TRIM66: variants seen among roughly 807,000 people sequenced by gnomAD.
TRIM66 encodes the protein tripartite motif-containing protein 66.
A neutral mutation model predicts 148.2 loss-of-function variants in TRIM66; 99 were observed. The observed-to-expected ratio is 0.67, with a 90% CI of 0.57 to 0.79. TRIM66 has a LOEUF of 0.79. Ranked by LOEUF, TRIM66 falls within the 30% of genes least tolerant of loss-of-function variation. TRIM66 has a pLI of 0.00. For synonymous variants in TRIM66, 616 were observed against 635.9 expected (o/e 0.97, Z 0.47); for missense variants, 1,666 against 1,697.9 (o/e 0.98, Z 0.33).
At chr11:8,682,189 A>AG (rs1297611679) in intron 1 of TRIM66, among the ~76,000 whole-genome samples, 1 of 152,242 alleles carries the variant, frequency 6.6e-6, no homozygotes, top group East Asian at 1.9e-4. Context: ...TGATAGCAAA[A>AG]GGGCAAAAGA....
Position 8,616,625 on chromosome 11 carries a change from C to T in TRIM66, c.*1319G>A, listed in dbSNP as rs1177040333. ...GGATGCAGCCTCGAGCTCCTGTTCCCATGGCTTCCAGAATGCTTCTCTCTG... is the reference window on the plus strand; with the variant it reads ...GGATGCAGCCTCGAGCTCCTGTTCCTATGGCTTCCAGAATGCTTCTCTCTG... On this transcript the variant is annotated 3_prime_UTR_variant, in exon 25 of 25. Coordinates refer to ENST00000646038, the MANE Select transcript of TRIM66 (RefSeq NM_001388022.1). The T allele has an allele frequency of 6.6e-6, 1 of 152,228 alleles. No homozygotes were observed. The highest frequency in any genetic ancestry group is 2.4e-5 in the African/African-American group (1 of 41,446). 9.4% of individuals were successfully genotyped at this position (152,228 alleles called of 1,614,324 possible).
intron 15 of TRIM66, among the ~76,000 whole-genome samples, chr11:8,638,381 T>C (rs1167971658): frequency 1.3e-5 from 2 of 152,114 alleles, no homozygotes; most frequent in Non-Finnish European, 2.9e-5. Flanking sequence ...ACAGAGTACA[T>C]GTTCAATAAA....
chr11:8,615,064 G>C lies in TRIM66; in HGVS notation c.*2880C>G, dbSNP rs376421387. On this transcript the variant is annotated 3_prime_UTR_variant, in exon 25 of 25. Coordinates refer to ENST00000646038, the MANE Select transcript of TRIM66 (RefSeq NM_001388022.1). ...CTGCCTCAGCCTCCCAAGTAGCTGG[G>C]ATTACAGGCATGTGCCATCACACCT... is the stretch of plus-strand genomic sequence containing the variant. 1 of 152,282 alleles carries C rather than the reference G, an allele frequency of 6.6e-6. No homozygotes were observed. The highest frequency in any genetic ancestry group is 2.4e-5 in the African/African-American group (1 of 41,434). 9.4% of individuals were successfully genotyped at this position (152,282 alleles called of 1,614,324 possible).
chr11:8,631,522 T>C (rs558733767), intron 15 of TRIM66, among the ~76,000 whole-genome samples: 7 of 152,364 alleles, frequency 4.6e-5, no homozygotes, highest in African/African-American at 1.7e-4. Flanking sequence ...TTCTTAGTGA[T>C]ATCAAGGAAT....
chr11:8,640,565 G>T lies in TRIM66; in HGVS notation c.1810C>A (p.Pro604Thr). Residue 604 changes from proline to threonine, a missense_variant, in exon 14 of 25, where the codon CCT (proline) becomes ACT (threonine). Transcript: ENST00000646038. ...FQQQPQQQLP[P>T]PPPPLPHPPP... is the part of the protein sequence containing the mutation. Reference sequence around the variant, plus strand: ...GGATGGGGGAGGGGTGGTGGTGGAGGTGGTAGCTGCTGCTGTGGCTGCTGC... The same window carrying T: ...GGATGGGGGAGGGGTGGTGGTGGAGTTGGTAGCTGCTGCTGTGGCTGCTGC... The T allele has an allele frequency of 6.5e-7, 1 of 1,548,598 alleles. No homozygotes were observed. The highest frequency in any genetic ancestry group is 8.7e-7 in the Non-Finnish European group (1 of 1,145,650).
chr11:8,617,371 A>G lies in TRIM66; in HGVS notation c.*573T>C, dbSNP rs1485183221. 6.6e-6 allele frequency: 1 copy of G among 152,578 alleles called. No individual in the cohort carries two copies. The highest frequency in any genetic ancestry group is 2.4e-5 in the African/African-American group (1 of 41,462). 9.5% of individuals were successfully genotyped at this position (152,578 alleles called of 1,614,324 possible). A position where few individuals can be genotyped will look rare whatever the true frequency, so the allele number is the denominator to read the frequency against. On this transcript the variant is annotated 3_prime_UTR_variant, in exon 25 of 25. Coordinates refer to ENST00000646038, the MANE Select transcript of TRIM66 (RefSeq NM_001388022.1). ...CCCTGAAAACCGTTAGAACCCAAAT[A>G]GGCACAAATTGAGACCTATGGCCTC... is the stretch of plus-strand genomic sequence containing the variant.
At position 8,640,415 on chromosome 11, in the gene TRIM66, G is replaced by A; in HGVS notation, c.1960C>T (p.His654Tyr). 1 of 1,551,952 alleles carries A rather than the reference G, an allele frequency of 6.4e-7. No individual in the cohort carries two copies. Among genetic ancestry groups the A allele is most frequent in the Non-Finnish European group, 8.7e-7 (1 of 1,147,076 alleles). The change falls in exon 14 of 25, where the codon CAT (histidine) becomes TAT (tyrosine). Residue 654 changes from histidine to tyrosine, a missense_variant. His to Tyr is a moderately conservative substitution (Grantham distance 83). Around this residue, in one of 3 missense-constraint regions of TRIM66, gnomAD observed 1,431 missense variants for 1,412.4 expected, o/e 1.01. Coordinates refer to ENST00000646038, the MANE Select transcript of TRIM66 (RefSeq NM_001388022.1). ...ATTTCCTCCAGCTCAAACTTGTGAT[G>A]CATTATGTCCATGTTCTGAGAACAG... ...PACSQNMDIM[H>Y]HKFELEEMQK...
chr11:8,681,895 G>A (rs1195195485), intron 1 of TRIM66, among the ~76,000 whole-genome samples: 2 of 152,016 alleles, frequency 1.3e-5, no homozygotes, highest in African/African-American at 4.8e-5. Context: ...GTAGATTCTG[G>A]AGAAAATTCA....
In TRIM66 at chr11:8,620,487, C is replaced by G. The variant is rs2034101508; in HGVS notation, c.3631G>C (p.Gly1211Arg). The G allele has an allele frequency of 6.4e-7, 1 of 1,551,672 alleles. No individual in the cohort carries two copies. Among genetic ancestry groups the G allele is most frequent in the African/African-American group, 1.4e-5 (1 of 73,056 alleles). The change falls in exon 21 of 25, where the codon GGA becomes CGA. Residue 1211 changes from glycine to arginine, a missense_variant. Transcript: ENST00000646038. ...DCENACYNQP[G>R]MRASPGLSMY... ...CTTAGGCCAGGAGATGCCCGCATTCCAGGCTGGTTATAGCAGGCATTCTCA... is the reference window on the plus strand; with the variant it reads ...CTTAGGCCAGGAGATGCCCGCATTCGAGGCTGGTTATAGCAGGCATTCTCA...
At chr11:8,663,255 T>G (rs1592181959) in intron 6 of TRIM66, 1 of 152,212 alleles carries the variant, frequency 6.6e-6, no homozygotes, top group East Asian at 1.9e-4. Context: ...GTGGCTGTAT[T>G]AATTAAAGAT....
chr11:8,625,071 G>A lies in TRIM66; in HGVS notation c.2468C>T (p.Pro823Leu), dbSNP rs777820907. ...QAVPSLLSAP[P>L]KMVSSLTSVQ... ...ACTTGTCAGGCTGGACACCATTTTG[G>A]GGGGAGCACTCAGCAGGCTTGGTAC... is the stretch of plus-strand genomic sequence containing the variant. Residue 823 changes from proline (P) to leucine (L), a missense_variant, in exon 16 of 25, where the codon CCC becomes CTC. Coordinates refer to ENST00000646038, the MANE Select transcript of TRIM66 (RefSeq NM_001388022.1). The A allele has an allele frequency of 9.0e-6, 14 of 1,551,630 alleles. No homozygotes were observed. The highest frequency in any genetic ancestry group is 1.2e-5 in the Non-Finnish European group (14 of 1,147,012).
chr11:8,658,442 A>G (rs1285210006), intron 6 of TRIM66, among the ~76,000 whole-genome samples: 1 of 152,028 alleles, frequency 6.6e-6, no homozygotes, highest in South Asian at 2.1e-4. Context: ...TCAGCCCTCC[A>G]TGTTCCCCAA....
At position 8,640,606 on chromosome 11, in the gene TRIM66, T is replaced by C; in HGVS notation, c.1769A>G (p.Lys590Arg). The C allele has an allele frequency of 1.3e-6, 2 of 1,551,404 alleles. No homozygotes were observed. Among genetic ancestry groups the C allele is most frequent in the Non-Finnish European group, 1.7e-6 (2 of 1,146,924 alleles). Residue 590 changes from lysine to arginine, a missense_variant, in exon 14 of 25, where the codon AAG becomes AGG. This residue lies in a region of TRIM66 where 1,431 missense variants were observed against 1,412.4 expected (regional missense o/e 1.01). Transcript: ENST00000646038. ...TGGCTGCTGCTGAAAGTGACTGAGC[T>C]TCAGCTTCTGGTGGTGGCCAAACTG... Reference protein sequence around the residue: ...QVQFGHHQKLKLSHFQQQPQQ... With the variant: ...QVQFGHHQKLRLSHFQQQPQQ...
intron 11 of TRIM66, 131 bp from the exon 12 acceptor site, chr11:8,646,018 G>T: frequency 1.2e-6 from 1 of 852,588 alleles, no homozygotes; most frequent in Non-Finnish European, 1.8e-6. Flanking sequence ...GGACAGCAGG[G>T]CAGAGTGTTG....
intron 13 of TRIM66, among the ~76,000 whole-genome samples, chr11:8,641,877 T>C (rs570762733): frequency 2.0e-5 from 3 of 152,184 alleles, no homozygotes; most frequent in South Asian, 2.1e-4. Context: ...GCTCTGTCCA[T>C]GTGATGTGCG....
At chr11:8,627,329 C>T (rs1012667272) in intron 15 of TRIM66, among the ~76,000 whole-genome samples, 3 of 152,196 alleles carry the variant, frequency 2.0e-5, no homozygotes, top group Non-Finnish European at 4.4e-5. Flanking sequence ...CTTAGGTCTA[C>T]TGACAACTTA....
At chr11:8,650,417 G>A (rs1366727560) in intron 7 of TRIM66, among the ~76,000 whole-genome samples, 2 of 151,350 alleles carry the variant, frequency 1.3e-5, no homozygotes, top group Non-Finnish European at 2.9e-5. Flanking sequence ...AGAAGAAGGA[G>A]GAGGAGGAAG....
chr11:8,650,372 C>A (rs1245475034), intron 7 of TRIM66, among the ~76,000 whole-genome samples: 1 of 150,048 alleles, frequency 6.7e-6, no homozygotes, highest in African/African-American at 2.5e-5. Flanking sequence ...GACCCTGTCT[C>A]AAAAAAGGAT....
rs2033818128 is a variant in TRIM66 at position 8,617,834 on chromosome 11, A to G, written c.*110T>C. The G allele has an allele frequency of 1.0e-5, 11 of 1,079,308 alleles. No homozygotes were observed. The highest frequency in any genetic ancestry group is 4.7e-5 in the African/African-American group (3 of 63,614). The allele number at this position is 1,079,308 out of a possible 1,614,324, so 66.9% of individuals were successfully genotyped here. ...GCAAAGAAGAGCACTACACAGTTCA[A>G]CAAGACTCATCTACCATCCACACTC... On this transcript the variant is annotated 3_prime_UTR_variant, in exon 25 of 25. Transcript: ENST00000646038.
Sources: gnomAD v4.1 joint callset for allele counts (sites outside exome capture counted in the v4.1 genomes callset) on GRCh38, gnomAD v4.1.1 for gene constraint, gnomAD v4.1.1 regional missense constraint, MANE v1.5 for transcripts, NCBI Gene and HGNC (gene_info 2026-07-23, HGNC 2026-07-21) for gene names.